Variants in KCNIP4 observed in about 807,000 individuals in gnomAD.
The protein encoded by KCNIP4 is potassium voltage-gated channel interacting protein 4.
Under a neutral mutation model 34.0 loss-of-function variants are expected in KCNIP4, and 12 were observed. That is an observed-to-expected ratio of 0.35 (90% CI 0.23 to 0.57). The LOEUF (loss-of-function observed/expected upper bound fraction) is 0.57. Among genes scored for constraint, KCNIP4 ranks in the 20% least tolerant of loss-of-function variants. KCNIP4 has a pLI of 0.83. For missense variants in KCNIP4, 238 were observed against 311.7 expected (o/e 0.76, Z 1.78); for synonymous variants, 124 against 102.2 (o/e 1.21, Z -1.29).
intron 1 of KCNIP4, among the ~76,000 whole-genome samples, chr4:21,759,304 T>C (rs1717886801): frequency 6.6e-6 from 1 of 152,224 alleles, no homozygotes; most frequent in Non-Finnish European, 1.5e-5. Context: ...GCTCTTTTAA[T>C]TTATGCATTT....
At chr4:21,453,498 T>G (rs1577384428) in intron 1 of KCNIP4, among the ~76,000 whole-genome samples, 1 of 151,992 alleles carries the variant, frequency 6.6e-6, no homozygotes, top group East Asian at 1.9e-4. Flanking sequence ...CTAGGCTTAT[T>G]AAAATCCAAC....
intron 1 of KCNIP4, among the ~76,000 whole-genome samples, chr4:21,427,221 G>A (rs1726011921): frequency 1.3e-5 from 2 of 151,672 alleles, no homozygotes; most frequent in African/African-American, 4.8e-5. Context: ...CTTTTCCTAG[G>A]AATAGTCAGA....
chr4:21,084,877 A>G (rs776497425), intron 1 of KCNIP4, among the ~76,000 whole-genome samples: 2 of 151,578 alleles, frequency 1.3e-5, no homozygotes, highest in Non-Finnish European at 2.9e-5. Context: ...GCATGAATAC[A>G]TAAAGAAAAC....
intron 1 of KCNIP4, among the ~76,000 whole-genome samples, chr4:21,020,903 A>G (rs1465669182): frequency 2.6e-5 from 4 of 152,216 alleles, no homozygotes; most frequent in African/African-American, 4.8e-5. Context: ...GAGTAGGTCA[A>G]GAATGAGAAT....
Position 20,999,425 on chromosome 4 carries a change from TTGTTTGTTTTTTG to T in KCNIP4, c.62-116729_62-116717del, listed in dbSNP as rs1297995757. ...TTTGTTGTGGTGGTGTTTTTTTTTT[TTGTTTGTTTTTTG>T]TTTTTTTTTTTTTTTTTTATCTTGA... On this transcript the variant is annotated intron_variant, in intron 1 of 8. Transcript: ENST00000382152. Among the ~76,000 whole-genome samples, 164 of 37,250 alleles carry T rather than the reference TTGTTTGTTTTTTG, an allele frequency of 4.4e-3. 8 individuals carry two copies. Among genetic ancestry groups the T allele is most frequent in the African/African-American group, 0.015 (98 of 6,490 alleles). 24.4% of individuals were successfully genotyped at this position (37,250 alleles called of 152,430 possible). A position where few individuals can be genotyped will look rare whatever the true frequency, so the allele number is the denominator to read the frequency against.
At chr4:21,273,812 T>C (rs1213391227) in intron 1 of KCNIP4, among the ~76,000 whole-genome samples, 3 of 152,170 alleles carry the variant, frequency 2.0e-5, no homozygotes, top group Non-Finnish European at 2.9e-5. Context: ...CTGTACCTCA[T>C]ATACACTTCT....
chr4:21,718,274 T>G (rs1577896960), intron 1 of KCNIP4, among the ~76,000 whole-genome samples: 1 of 152,340 alleles, frequency 6.6e-6, no homozygotes, highest in African/African-American at 2.4e-5. Context: ...TCAAATTTTC[T>G]GCAAAACACA....
intron 1 of KCNIP4, among the ~76,000 whole-genome samples, chr4:21,607,565 C>T (rs1357868341): frequency 6.6e-6 from 1 of 151,794 alleles, no homozygotes; most frequent in African/African-American, 2.4e-5. Context: ...TTAGAAAGCA[C>T]CCGATTTGAT....
chr4:21,593,631 C>A (rs908031336), intron 1 of KCNIP4, among the ~76,000 whole-genome samples: 1 of 152,096 alleles, frequency 6.6e-6, no homozygotes, highest in African/African-American at 2.4e-5. Flanking sequence ...CTCTCCCACC[C>A]TCCTTATTGC....
intron 1 of KCNIP4, among the ~76,000 whole-genome samples, chr4:21,549,420 C>T (rs1270140131): frequency 1.3e-5 from 2 of 151,800 alleles, no homozygotes; most frequent in Non-Finnish European, 2.9e-5. Flanking sequence ...AGTGAATTCT[C>T]ACTCTATTAC....
chr4:20,820,314 G>A (rs1417530804), intron 3 of KCNIP4, among the ~76,000 whole-genome samples: 1 of 152,172 alleles, frequency 6.6e-6, no homozygotes, highest in African/African-American at 2.4e-5. Flanking sequence ...AAATAACTTG[G>A]CTGAATTGTC....
At chr4:21,001,371 A>G (rs1738122755) in intron 1 of KCNIP4, among the ~76,000 whole-genome samples, 2 of 152,166 alleles carry the variant, frequency 1.3e-5, no homozygotes, top group Non-Finnish European at 2.9e-5. Flanking sequence ...GTGACCACAA[A>G]ACCCCTTTAA....
intron 3 of KCNIP4, among the ~76,000 whole-genome samples, chr4:20,786,437 T>A (rs1712001272): frequency 6.6e-6 from 1 of 152,162 alleles, no homozygotes; most frequent in South Asian, 2.1e-4. Context: ...ATGTACCCCC[T>A]GAATCTAAAA....
intron 1 of KCNIP4, among the ~76,000 whole-genome samples, chr4:21,547,328 C>T (rs1738228077): frequency 6.6e-6 from 1 of 152,038 alleles, no homozygotes; most frequent in Admixed American, 6.6e-5. Flanking sequence ...AAAAAATCTT[C>T]AGATACAGAA....
intron 2 of KCNIP4, among the ~76,000 whole-genome samples, chr4:20,859,959 T>C (rs1722016982): frequency 6.6e-6 from 1 of 152,160 alleles, no homozygotes; most frequent in African/African-American, 2.4e-5. Flanking sequence ...CTATAAAGCA[T>C]GAAACACTGT....
chr4:21,895,633 T>G (rs2109410511), intron 1 of KCNIP4, among the ~76,000 whole-genome samples: 1 of 152,352 alleles, frequency 6.6e-6, no homozygotes, highest in South Asian at 2.1e-4. Context: ...TAAATTATTT[T>G]AATATATTTT....
chr4:21,061,329 C>T (rs1269420073), intron 1 of KCNIP4, among the ~76,000 whole-genome samples: 1 of 151,986 alleles, frequency 6.6e-6, no homozygotes, highest in Non-Finnish European at 1.5e-5. Flanking sequence ...ATTCTAGACC[C>T]TCCCATTTGG....
intron 1 of KCNIP4, among the ~76,000 whole-genome samples, chr4:21,443,093 T>A (rs550347571): frequency 6.6e-6 from 1 of 152,186 alleles, no homozygotes; most frequent in Non-Finnish European, 1.5e-5. Flanking sequence ...CTTATCAACA[T>A]TGGAACATTT....
At chr4:20,843,189 T>C (rs1719955999) in intron 3 of KCNIP4, among the ~76,000 whole-genome samples, 1 of 152,154 alleles carries the variant, frequency 6.6e-6, no homozygotes, top group Non-Finnish European at 1.5e-5. Flanking sequence ...ATTTCAGGAA[T>C]GAGCCACCAT....
Sources: gnomAD v4.1 joint callset for allele counts (sites outside exome capture counted in the v4.1 genomes callset) on GRCh38, gnomAD v4.1.1 for gene constraint, MANE v1.5 for transcripts, NCBI Gene and HGNC (gene_info 2026-07-23, HGNC 2026-07-21) for gene names.